CLCN4: variants seen among roughly 807,000 people sequenced by gnomAD.
CLCN4 encodes H(+)/Cl(-) exchange transporter 4.
CLCN4 carries 1 observed loss-of-function variant against 41.7 expected under a neutral mutation model. The observed-to-expected ratio is 0.02, with a 90% CI of 0.01 to 0.11. The LOEUF is 0.11. Ranked by LOEUF, CLCN4 falls within the 10% of genes least tolerant of loss-of-function variation. The probability of loss-of-function intolerance (pLI) is 1.00; values close to 1 mark genes in which losing one functional copy is unlikely to be tolerated. For missense variants in CLCN4, 287 were observed against 661.0 expected, an observed-to-expected ratio of 0.43 and a Z score of 6.20; for synonymous variants, 277 against 285.8, an observed-to-expected ratio of 0.97 and a Z score of 0.31.
At chrX:10,172,043 A>T (rs1402689376) in intron 2 of CLCN4, among the ~76,000 whole-genome samples, 1 of 112,077 alleles carries the variant, frequency 8.9e-6, no homozygotes, top group East Asian at 2.8e-4. Context: ...AATGGTGGGA[A>T]CCCTCCCAAA....
At position 10,185,198 on chromosome X, in the gene CLCN4, C is replaced by T. The variant is rs546293500; in HGVS notation, c.144+22C>T. The T allele has an allele frequency of 5.1e-6, 6 of 1,184,575 alleles. No homozygotes were observed. In the South Asian group the frequency reaches 5.6e-5, roughly 11 times the overall value. Reference sequence around the variant, plus strand: ...GAAGGTAGGTGGCATTCCGAAAGGACACACTGCAAATGGCTAAGCCATGTT... The same window carrying T: ...GAAGGTAGGTGGCATTCCGAAAGGATACACTGCAAATGGCTAAGCCATGTT... On this transcript the variant is annotated intron_variant, in intron 3 of 12. Coordinates refer to ENST00000380833, the MANE Select transcript of CLCN4 (RefSeq NM_001830.4).
At chrX:10,198,145 G>A in intron 6 of CLCN4, 84 bp downstream of exon 6, 1 of 945,729 alleles carries the variant, frequency 1.1e-6, no homozygotes, top group Non-Finnish European at 1.5e-6. Flanking sequence ...ACAGTTCCAA[G>A]CGTTTTACTT....
intron 11 of CLCN4, among the ~76,000 whole-genome samples, chrX:10,217,380 G>A (rs1244606369): frequency 8.9e-6 from 1 of 111,829 alleles, no homozygotes; most frequent in Admixed American, 9.5e-5. Context: ...CTCTGTGCTG[G>A]GGCTGTCTTG....
At chrX:10,202,245 G>A (rs77393560) in intron 6 of CLCN4, among the ~76,000 whole-genome samples, 2,021 of 111,271 alleles carry the variant, frequency 0.018, 29 homozygotes, top group Admixed American at 0.066. Context: ...AGGCTGAGCT[G>A]GGTGGATCAC....
intron 12 of CLCN4, among the ~76,000 whole-genome samples, chrX:10,224,009 C>T (rs906120781): frequency 1.8e-5 from 2 of 111,936 alleles, no homozygotes; most frequent in African/African-American, 6.5e-5. Context: ...ATGCCACTAA[C>T]GAAGCCTGCT....
At chrX:10,182,329 T>C (rs1217823706) in intron 2 of CLCN4, among the ~76,000 whole-genome samples, 3 of 112,749 alleles carry the variant, frequency 2.7e-5, no homozygotes, top group Non-Finnish European at 3.7e-5. Flanking sequence ...CATTCATTAT[T>C]TTCACAAGTC....
intron 12 of CLCN4, among the ~76,000 whole-genome samples, chrX:10,226,394 A>G (rs1267387126): frequency 3.6e-5 from 4 of 111,836 alleles, no homozygotes; most frequent in African/African-American, 1.3e-4. Flanking sequence ...CAGCTACAGC[A>G]GTGTTAAGAG....
intron 5 of CLCN4, among the ~76,000 whole-genome samples, chrX:10,195,372 G>T (rs757541755): frequency 6.0e-4 from 66 of 109,158 alleles, no homozygotes; most frequent in African/African-American, 2.1e-3. Context: ...GTTATATTTG[G>T]CTTTATTTTT....
At position 10,205,289 on chromosome X, in the gene CLCN4, G is replaced by C. The variant is rs904879470; in HGVS notation, c.556-1069G>C. 1.2e-4 allele frequency among the ~76,000 whole-genome samples: 13 copies of C among 110,069 alleles called. No individual in the cohort carries two copies. The South Asian group carries it at 1.6e-3, about 13-fold the overall frequency. On this transcript the variant is annotated intron_variant, in intron 6 of 12. Transcript: ENST00000380833. ...GAGATGGAGTCCATCCTGGCTAACA[G>C]GGTGAAACCCCATCTCTACTAAAAG...
intron 3 of CLCN4, among the ~76,000 whole-genome samples, chrX:10,186,058 G>C (rs1923802501): frequency 9.0e-6 from 1 of 111,222 alleles, no homozygotes; most frequent in Non-Finnish European, 1.9e-5. Context: ...GGGCCAGGAG[G>C]GGAATGGGGT....
At chrX:10,160,653 G>A (rs984771896) in intron 2 of CLCN4, among the ~76,000 whole-genome samples, 33 of 111,978 alleles carry the variant, frequency 2.9e-4, no homozygotes, top group Admixed American at 3.8e-4. Context: ...GGGGGACGTG[G>A]TGAGGACGAG....
intron 2 of CLCN4, among the ~76,000 whole-genome samples, chrX:10,171,852 C>T (rs2065575992): frequency 8.9e-6 from 1 of 111,890 alleles, no homozygotes; most frequent in Admixed American, 9.4e-5. Flanking sequence ...GAAATGTCCA[C>T]CAGGGAAGGT....
chrX:10,170,807 C>T (rs1923368611), intron 2 of CLCN4, among the ~76,000 whole-genome samples: 1 of 112,651 alleles, frequency 8.9e-6, no homozygotes, highest in African/African-American at 3.2e-5. Flanking sequence ...CCCCTAATTG[C>T]CAGAAGCCTC....
Position 10,172,436 on chromosome X carries a change from C to T in CLCN4, c.-11-12586C>T, listed in dbSNP as rs1218810861. 6.3e-5 allele frequency among the ~76,000 whole-genome samples: 7 copies of T among 111,510 alleles called. No homozygotes were observed. In the South Asian group the frequency reaches 1.1e-3, roughly 18 times the overall value. On this transcript the variant is annotated intron_variant, in intron 2 of 12. Coordinates refer to ENST00000380833, the MANE Select transcript of CLCN4 (RefSeq NM_001830.4). ...AAGGTTTTGAGTGATATGAGTGGGG[C>T]GCTGGCAGCATCAGATACAGTAGTT...
chrX:10,173,669 CG>C (rs1202649733), intron 2 of CLCN4, among the ~76,000 whole-genome samples: 6 of 112,049 alleles, frequency 5.4e-5, no homozygotes, highest in Non-Finnish European at 9.4e-5. Flanking sequence ...AGTGCCTCTG[CG>C]GGGGCGGGAG....
intron 4 of CLCN4, among the ~76,000 whole-genome samples, chrX:10,193,617 C>T (rs977810958): frequency 2.7e-5 from 3 of 111,666 alleles, no homozygotes; most frequent in Admixed American, 1.9e-4. Flanking sequence ...GAACTGGGGT[C>T]AGCAAACTTT....
At chrX:10,209,797 C>G (rs1924497056) in intron 9 of CLCN4, among the ~76,000 whole-genome samples, 1 of 106,080 alleles carries the variant, frequency 9.4e-6, no homozygotes, top group Admixed American at 1.0e-4. Context: ...AAAGAACTTT[C>G]TTTTATGGAA....
At chrX:10,233,385 A>G in intron 12 of CLCN4, 109 bp from the exon 13 acceptor site, 2 of 552,754 alleles carry the variant, frequency 3.6e-6, no homozygotes, top group East Asian at 6.8e-5. Flanking sequence ...GGAGGCTGGG[A>G]AATGTTGTCT....
intron 2 of CLCN4, among the ~76,000 whole-genome samples, chrX:10,175,137 C>G (rs1454315363): frequency 9.0e-6 from 1 of 111,460 alleles, no homozygotes; most frequent in Non-Finnish European, 1.9e-5. Flanking sequence ...AGGGAATTAC[C>G]TTGGCATTAC....
Sources: allele counts gnomAD v4.1 joint callset (sites outside exome capture counted in the v4.1 genomes callset), GRCh38; gene constraint gnomAD v4.1.1; transcripts MANE v1.5; gene names NCBI Gene and HGNC (gene_info 2026-07-23, HGNC 2026-07-21).